The following RSPH14 variants were observed in gnomAD, a reference collection of about 807,000 sequenced individuals.
RSPH14 encodes the protein rhabdoid tumor deletion region gene 1.
Under a neutral mutation model 26.7 loss-of-function variants are expected in RSPH14, and 20 were observed. The observed-to-expected ratio is 0.75, with a 90% CI of 0.53 to 1.09. The LOEUF is 1.09. Ranked by LOEUF, RSPH14 falls within the 50% of genes least tolerant of loss-of-function variation. The probability of loss-of-function intolerance (pLI) is 0.00; values close to 1 mark genes in which losing one functional copy is unlikely to be tolerated. For synonymous variants in RSPH14, 177 were observed against 189.3 expected, an observed-to-expected ratio of 0.93 and a Z score of 0.53; for missense variants, 449 against 457.2, an observed-to-expected ratio of 0.98 and a Z score of 0.16.
At chr22:23,106,696 C>T (rs6003509) in intron 4 of RSPH14, among the ~76,000 whole-genome samples, 6,740 of 152,344 alleles carry the variant, frequency 0.044, 496 homozygotes, top group African/African-American at 0.15. Flanking sequence ...GAGACGTGAG[C>T]GGTTGGCAGA....
intron 4 of RSPH14, among the ~76,000 whole-genome samples, chr22:23,094,152 C>T (rs975154394): frequency 2.0e-5 from 3 of 152,092 alleles, no homozygotes; most frequent in African/African-American, 4.8e-5. Context: ...ATTAAAGGGG[C>T]GAATGCTGCC....
chr22:23,142,135 TAC>T, upstream of RSPH14: 1 of 653,338 alleles, frequency 1.5e-6, no homozygotes, highest in African/African-American at 2.0e-5. Flanking sequence ...AACAATCATT[TAC>T]AGGGTTGCTG....
At chr22:23,130,930 AAG>A (rs1256094469) in intron 4 of RSPH14, among the ~76,000 whole-genome samples, 13 of 152,260 alleles carry the variant, frequency 8.5e-5, no homozygotes, top group Admixed American at 8.5e-4. Context: ...AGCAAAGCTG[AAG>A]GCAAACACAT....
Position 23,063,981 on chromosome 22 carries a change from C to A in RSPH14, c.574G>T (p.Val192Leu), listed in dbSNP as rs769620785. The stretch of plus-strand genomic sequence containing the variant: ...AGGAGCTTCTGCTTCAGGACAAGCA[C>A]CACATTGCTGCCCAGGGCCTCGGTG... ...DATEALGSNV[V>L]LVLKQKLLSA... Residue 192 changes from valine (V) to leucine (L), a missense_variant, in exon 5 of 7, where the codon GTG becomes TTG. Coordinates refer to ENST00000216036, the MANE Select transcript of RSPH14 (RefSeq NM_014433.3). 4 of 1,614,202 alleles carry A rather than the reference C, an allele frequency of 2.5e-6. No homozygotes were observed. Among genetic ancestry groups the A allele is most frequent in the Non-Finnish European group, 3.4e-6 (4 of 1,180,030 alleles).
chr22:23,169,878 G>A, the RSPH14 span, among the ~76,000 whole-genome samples: 13 of 152,052 alleles, frequency 8.5e-5, no homozygotes, highest in East Asian at 3.8e-4. Context: ...GGAGGTGGGC[G>A]GATCGCTTGA....
chr22:23,163,719 C>T, the RSPH14 span: 2 of 151,522 alleles, frequency 1.3e-5, no homozygotes, highest in African/African-American at 4.8e-5. Flanking sequence ...GCTCTGCTAA[C>T]AGTCAGGACT....
At chr22:23,131,475 C>T (rs1262293075) in intron 4 of RSPH14, 3 of 497,958 alleles carry the variant, frequency 6.0e-6, no homozygotes. Context: ...AAATTTCAAG[C>T]AAGTATAAAA....
intron 4 of RSPH14, among the ~76,000 whole-genome samples, chr22:23,064,493 C>G (rs1223473889): frequency 6.6e-6 from 1 of 152,166 alleles, no homozygotes. Flanking sequence ...CCCAGGCACA[C>G]CAGGAGACCT....
At chr22:23,170,384 CTG>C in the RSPH14 span, among the ~76,000 whole-genome samples, 1 of 152,182 alleles carries the variant, frequency 6.6e-6, no homozygotes. Context: ...AGGTCACAAA[CTG>C]TAGAATTCTC....
upstream of RSPH14, among the ~76,000 whole-genome samples, chr22:23,142,345 T>G (rs2070619895): frequency 6.6e-6 from 1 of 152,124 alleles, no homozygotes; most frequent in Non-Finnish European, 1.5e-5. Context: ...TGACGGAGTT[T>G]CGCTCTTTCA....
the RSPH14 span, among the ~76,000 whole-genome samples, chr22:23,176,505 A>G: frequency 7.2e-5 from 11 of 152,158 alleles, no homozygotes; most frequent in Non-Finnish European, 1.0e-4. Flanking sequence ...CCTCTATACT[A>G]GCGTTGGCCC....
chr22:23,078,498 G>A (rs978605274), intron 4 of RSPH14, among the ~76,000 whole-genome samples: 4 of 152,300 alleles, frequency 2.6e-5, no homozygotes, highest in Admixed American at 2.6e-4. Context: ...CATCTCTGTC[G>A]TGGCTCCTGG....
rs538741332 is a variant in RSPH14, at chr22:23,074,938, T to C, written c.422-10805A>G. 7.2e-5 allele frequency among the ~76,000 whole-genome samples: 11 copies of C among 152,074 alleles called. No homozygotes were observed. The South Asian group carries it at 1.0e-3, about 14-fold the overall frequency. On this transcript the variant is annotated intron_variant, in intron 4 of 6. Coordinates refer to ENST00000216036, the MANE Select transcript of RSPH14 (RefSeq NM_014433.3). Reference sequence around the variant, plus strand: ...AATCCTATACTATGGGAGACTGAGGTAGGAGGATCACTTGAAGTCAGGAGT... The same window carrying C: ...AATCCTATACTATGGGAGACTGAGGCAGGAGGATCACTTGAAGTCAGGAGT...
At chr22:23,162,338 G>A in the RSPH14 span, 4 of 307,792 alleles carry the variant, frequency 1.3e-5, no homozygotes, top group African/African-American at 6.5e-5. Flanking sequence ...TGTGTGCTGC[G>A]GGAGGCAGAC....
chr22:23,180,329 T>C, the RSPH14 span: 3 of 178,600 alleles, frequency 1.7e-5, no homozygotes, highest in African/African-American at 2.4e-5. Context: ...CAATTCGCTG[T>C]TGTTAGGGCC....
chr22:23,121,940 C>T (rs908579968), intron 4 of RSPH14, among the ~76,000 whole-genome samples: 3 of 151,974 alleles, frequency 2.0e-5, no homozygotes, highest in Non-Finnish European at 4.4e-5. Flanking sequence ...ACTGTGTTGG[C>T]CAGGCTGGTC....
At chr22:23,114,819 C>T (rs576636462) in intron 4 of RSPH14, among the ~76,000 whole-genome samples, 1 of 152,210 alleles carries the variant, frequency 6.6e-6, no homozygotes, top group Non-Finnish European at 1.5e-5. Context: ...TCCTGCCTGT[C>T]CTCACCCACC....
At chr22:23,176,683 AC>A in the RSPH14 span, among the ~76,000 whole-genome samples, 1 of 152,082 alleles carries the variant, frequency 6.6e-6, no homozygotes, top group African/African-American at 2.4e-5. Flanking sequence ...CTGAATTCTA[AC>A]CCCTTCTCTG....
rs1353682914 is a variant in RSPH14 at position 23,060,054 on chromosome 22, C to CT, written c.791-337dup. The stretch of plus-strand genomic sequence containing the variant: ...ATTATCCAGATGTAGTGACAGGTGC[C>CT]TACAGTCCCAGCTACTCAGGAGACT... On this transcript the variant is annotated intron_variant, in intron 6 of 6. Transcript: ENST00000216036. Among the ~76,000 whole-genome samples the CT allele has an allele frequency of 4.6e-5, 7 of 152,290 alleles. No individual in the cohort carries two copies. The East Asian group carries it at 1.4e-3, about 29-fold the overall frequency.
Sources: gnomAD v4.1 joint callset for allele counts (sites outside exome capture counted in the v4.1 genomes callset) on GRCh38, gnomAD v4.1.1 for gene constraint, MANE v1.5 for transcripts, NCBI Gene and HGNC (gene_info 2026-07-23, HGNC 2026-07-21) for gene names.